CSNK1G3: variants seen among roughly 807,000 people sequenced by gnomAD.
The protein encoded by CSNK1G3 is casein kinase 1 gamma 3.
In CSNK1G3, 23 loss-of-function variants were observed where a neutral mutation model predicts 64.3. The observed-to-expected ratio is 0.36, with a 90% CI of 0.26 to 0.51. The LOEUF (loss-of-function observed/expected upper bound fraction) is 0.51, where lower values mean the gene tolerates loss of function less well. Ranked by LOEUF, CSNK1G3 falls within the 20% of genes least tolerant of loss-of-function variation. The pLI, the probability that CSNK1G3 is intolerant of heterozygous loss-of-function variation, is 0.96. For synonymous variants in CSNK1G3, 158 were observed against 162.2 expected, an observed-to-expected ratio of 0.97 and a Z score of 0.20; for missense variants, 357 against 510.5, an observed-to-expected ratio of 0.70 and a Z score of 2.90.
At chr5:123,538,153 CTT>C (rs1409671504) in intron 1 of CSNK1G3, among the ~76,000 whole-genome samples, 2 of 152,102 alleles carry the variant, frequency 1.3e-5, no homozygotes, top group African/African-American at 4.8e-5. Flanking sequence ...GTGTACAAGT[CTT>C]TTTGTAAACA....
intron 1 of CSNK1G3, among the ~76,000 whole-genome samples, chr5:123,533,583 C>T (rs1387878344): frequency 6.6e-6 from 1 of 151,382 alleles, no homozygotes; most frequent in Admixed American, 6.6e-5. Flanking sequence ...TTGTTTCCGT[C>T]TTTTTTTCTT....
intron 10 of CSNK1G3, among the ~76,000 whole-genome samples, chr5:123,599,342 G>A (rs1794026363): frequency 6.6e-6 from 1 of 152,142 alleles, no homozygotes; most frequent in Non-Finnish European, 1.5e-5. Flanking sequence ...GGAGAAAAAG[G>A]GGCAGAATTA....
intron 1 of CSNK1G3, among the ~76,000 whole-genome samples, chr5:123,531,922 A>G (rs1387176378): frequency 3.3e-5 from 5 of 151,808 alleles, no homozygotes; most frequent in Non-Finnish European, 5.9e-5. Context: ...TTTTTATTTT[A>G]ATGGGTGCCT....
chr5:123,552,794 A>G (rs567349194), intron 2 of CSNK1G3, among the ~76,000 whole-genome samples: 93 of 152,272 alleles, frequency 6.1e-4, no homozygotes, highest in Non-Finnish European at 1.1e-3. Context: ...TTTTTTGACC[A>G]TGCATTTGAC....
chr5:123,553,261 A>G (rs766472288), intron 3 of CSNK1G3, 114 bp downstream of exon 3: 16 of 513,892 alleles, frequency 3.1e-5, no homozygotes, highest in Non-Finnish European at 5.3e-5. Context: ...TGTTTATTTG[A>G]CAGTTATATG....
At chr5:123,586,074 G>A (rs1791268938) in intron 6 of CSNK1G3, among the ~76,000 whole-genome samples, 1 of 152,170 alleles carries the variant, frequency 6.6e-6, no homozygotes, top group Non-Finnish European at 1.5e-5. Context: ...TAAACACATT[G>A]TAATATACTA....
intron 1 of CSNK1G3, among the ~76,000 whole-genome samples, chr5:123,527,304 T>G (rs1054762185): frequency 1.3e-5 from 2 of 152,146 alleles, no homozygotes; most frequent in Non-Finnish European, 2.9e-5. Context: ...TGTGTTCATT[T>G]TGGGGTTTAA....
intron 9 of CSNK1G3, 93 bp from the exon 10 acceptor site, chr5:123,591,226 T>G: frequency 3.1e-6 from 2 of 649,786 alleles, no homozygotes; most frequent in Non-Finnish European, 4.9e-6. Flanking sequence ...AACAGTCTTT[T>G]GTTTTTTTCC....
chr5:123,534,562 G>A (rs1277627782), intron 1 of CSNK1G3, among the ~76,000 whole-genome samples: 5 of 152,124 alleles, frequency 3.3e-5, no homozygotes, highest in Non-Finnish European at 7.4e-5. Flanking sequence ...CAAACTATAG[G>A]TAGCTTCTAG....
intron 3 of CSNK1G3, among the ~76,000 whole-genome samples, chr5:123,555,806 G>A (rs1784510570): frequency 6.6e-6 from 1 of 152,046 alleles, no homozygotes; most frequent in Admixed American, 6.6e-5. Flanking sequence ...CTAAGGGGGA[G>A]TAGTGATTGA....
At chr5:123,609,783 C>T (rs1796000061) in intron 12 of CSNK1G3, among the ~76,000 whole-genome samples, 1 of 152,066 alleles carries the variant, frequency 6.6e-6, no homozygotes, top group Non-Finnish European at 1.5e-5. Context: ...GGGAAGGAAG[C>T]CTAATGGAGA....
At chr5:123,608,771 T>C (rs1795799604) in intron 12 of CSNK1G3, among the ~76,000 whole-genome samples, 1 of 152,184 alleles carries the variant, frequency 6.6e-6, no homozygotes, top group African/African-American at 2.4e-5. Flanking sequence ...CTGATTTTAC[T>C]AGTTGGTCTG....
chr5:123,549,800 A>G (rs1250949667), intron 2 of CSNK1G3, among the ~76,000 whole-genome samples: 1 of 152,224 alleles, frequency 6.6e-6, no homozygotes, highest in African/African-American at 2.4e-5. Flanking sequence ...CTCTGTGGCC[A>G]CATCTGTCTA....
At chr5:123,519,185 C>T (rs1481349469) in intron 1 of CSNK1G3, among the ~76,000 whole-genome samples, 2 of 152,146 alleles carry the variant, frequency 1.3e-5, no homozygotes, top group African/African-American at 4.8e-5. Context: ...TCCTGAGTAG[C>T]TGGGATTACA....
At chr5:123,542,512 A>G (rs1781833140) in intron 1 of CSNK1G3, among the ~76,000 whole-genome samples, 1 of 152,172 alleles carries the variant, frequency 6.6e-6, no homozygotes, top group African/African-American at 2.4e-5. Flanking sequence ...GACTATTTTA[A>G]AAGCATTTCT....
chr5:123,513,643 A>G (rs1776637661), intron 1 of CSNK1G3, among the ~76,000 whole-genome samples: 1 of 152,338 alleles, frequency 6.6e-6, no homozygotes, highest in Non-Finnish European at 1.5e-5. Context: ...GATTCAAATG[A>G]CATTTGGCCA....
chr5:123,550,673 G>A (rs1020054137), intron 2 of CSNK1G3, among the ~76,000 whole-genome samples: 1 of 152,180 alleles, frequency 6.6e-6, no homozygotes, highest in Non-Finnish European at 1.5e-5. Context: ...TACTGGAAAT[G>A]TCTTTTAAAA....
intron 12 of CSNK1G3, among the ~76,000 whole-genome samples, chr5:123,608,215 G>A (rs1373558323): frequency 6.6e-6 from 1 of 152,028 alleles, no homozygotes; most frequent in Non-Finnish European, 1.5e-5. Context: ...CCTATAATTA[G>A]CAGAGATCCT....
chr5:123,557,686 C>T (rs745704882), intron 4 of CSNK1G3, 122 bp downstream of exon 4: 68 of 620,610 alleles, frequency 1.1e-4, no homozygotes, highest in Non-Finnish European at 1.6e-4. Context: ...GTTTACTATA[C>T]GTTTTCTTAC....
Sources: allele counts gnomAD v4.1 joint callset (sites outside exome capture counted in the v4.1 genomes callset), GRCh38; gene constraint gnomAD v4.1.1; transcripts MANE v1.5; gene names NCBI Gene and HGNC (gene_info 2026-07-23, HGNC 2026-07-21).